Variants in ACSM2A observed in about 807,000 individuals in gnomAD.
ACSM2A encodes acyl-coenzyme A synthetase ACSM2A, mitochondrial.
A neutral mutation model predicts 76.6 loss-of-function variants in ACSM2A; 72 were observed. The ratio of observed to expected loss-of-function variants is 0.94; its 90% CI spans 0.78 to 1.14. The LOEUF (loss-of-function observed/expected upper bound fraction) is 1.14. Ranked by LOEUF, ACSM2A falls within the 50% of genes most tolerant of loss-of-function variation. The pLI, the probability that ACSM2A is intolerant of heterozygous loss-of-function variation, is 0.00. For synonymous variants in ACSM2A, 249 were observed against 255.9 expected (o/e 0.97, Z 0.26); for missense variants, 684 against 708.5 (o/e 0.97, Z 0.39).
chr16:20,480,210 C>G (rs2014002771), intron 10 of ACSM2A, among the ~76,000 whole-genome samples: 1 of 152,146 alleles, frequency 6.6e-6, no homozygotes, highest in African/African-American at 2.4e-5. Flanking sequence ...ATTACCTAAT[C>G]AAAATGATAG....
intron 12 of ACSM2A, chr16:20,481,894 T>G: frequency 1.1e-5 from 1 of 92,320 alleles, no homozygotes. Flanking sequence ...AGTGCTTGGT[T>G]GGGAGGCCGA....
At chr16:20,465,873 C>T (rs981120498) in intron 3 of ACSM2A, 146 bp downstream of exon 3, 2 of 1,424,544 alleles carry the variant, frequency 1.4e-6, no homozygotes, top group African/African-American at 2.9e-5. Flanking sequence ...TCCCTACTTC[C>T]ACTTATTTAA....
chr16:20,462,582 A>C (rs2012690772), intron 2 of ACSM2A, among the ~76,000 whole-genome samples: 1 of 152,132 alleles, frequency 6.6e-6, no homozygotes, highest in African/African-American at 2.4e-5. Flanking sequence ...AAAATTGCTG[A>C]CATGTTTTGT....
chr16:20,456,895 C>A (rs2012196131), intron 1 of ACSM2A, among the ~76,000 whole-genome samples: 3 of 141,480 alleles, frequency 2.1e-5, no homozygotes, highest in Admixed American at 7.3e-5. Flanking sequence ...ATTGGTAGAC[C>A]ATTAGGAAGA....
intron 1 of ACSM2A, among the ~76,000 whole-genome samples, chr16:20,457,211 G>T (rs567182605): frequency 5.2e-4 from 79 of 151,998 alleles, no homozygotes; most frequent in African/African-American, 1.9e-3. Context: ...ATGACCAGAT[G>T]AATTCACAGC....
chr16:20,470,838 G>A (rs763475343), intron 4 of ACSM2A: 2 of 693,316 alleles, frequency 2.9e-6, no homozygotes, highest in South Asian at 1.5e-5. Flanking sequence ...ACACAGAGAC[G>A]TTAAATAAGT....
chr16:20,482,666 G>T, intron 12 of ACSM2A: 1 of 168,134 alleles, frequency 5.9e-6, no homozygotes, highest in Non-Finnish European at 1.3e-5. Context: ...TTTATTTACC[G>T]TAAGTTAAAT....
chr16:20,485,558 A>G (rs1262694153), intron 13 of ACSM2A, among the ~76,000 whole-genome samples: 4 of 152,224 alleles, frequency 2.6e-5, no homozygotes, highest in Admixed American at 6.5e-5. Flanking sequence ...ATGCAATGCT[A>G]AAGGTTGACA....
At chr16:20,456,911 C>CAA (rs61253658) in intron 1 of ACSM2A, among the ~76,000 whole-genome samples, 40 of 137,888 alleles carry the variant, frequency 2.9e-4, no homozygotes, top group African/African-American at 8.3e-4. Context: ...GAAGATTAAC[C>CAA]AAAAAAAAAA....
chr16:20,466,372 T>A (rs893715259), intron 3 of ACSM2A, among the ~76,000 whole-genome samples: 2 of 152,100 alleles, frequency 1.3e-5, no homozygotes, highest in African/African-American at 4.8e-5. Context: ...ATAGAGAGGC[T>A]TGTGCCAAGC....
intron 6 of ACSM2A, among the ~76,000 whole-genome samples, chr16:20,472,734 A>C (rs2013496013): frequency 6.6e-6 from 1 of 151,932 alleles, no homozygotes; most frequent in African/African-American, 2.4e-5. Flanking sequence ...GAGCCAAATT[A>C]TATGTAATCT....
intron 2 of ACSM2A, among the ~76,000 whole-genome samples, chr16:20,464,813 G>A (rs1028692383): frequency 1.3e-5 from 2 of 152,064 alleles, no homozygotes; most frequent in African/African-American, 4.8e-5. Flanking sequence ...TGTGTAACGG[G>A]GACAGAGTTT....
At chr16:20,475,004 G>C (rs1446388767) in intron 6 of ACSM2A, among the ~76,000 whole-genome samples, 1 of 152,198 alleles carries the variant, frequency 6.6e-6, no homozygotes, top group East Asian at 1.9e-4. Flanking sequence ...CAAGACAGCT[G>C]CTGTGCTCAG....
At chr16:20,472,866 G>A (rs965592201) in intron 6 of ACSM2A, among the ~76,000 whole-genome samples, 3 of 152,120 alleles carry the variant, frequency 2.0e-5, no homozygotes, top group Non-Finnish European at 2.9e-5. Context: ...CTGTAAAAAT[G>A]TTCCCCCATC....
rs59292608 is a variant in ACSM2A at position 20,460,128 on chromosome 16, G to T, written c.14G>T (p.Arg5Leu). ...ACAGGCCTGAATATGCATTGGCTGC[G>T]AAAAGTTCAGGGACTTTGCACCCTG... MHWL[R>L]KVQGLCTLWG... The change falls in exon 2 of 14, where the codon CGA becomes CTA. Residue 5 changes from arginine (R) to leucine (L), a missense_variant. By Grantham distance (102) the Arg-to-Leu change is moderately radical. Around this residue, in one of 3 missense-constraint regions of ACSM2A, gnomAD observed 519 missense variants for 549.5 expected, o/e 0.94. Transcript: ENST00000573854. 1 of 1,610,296 alleles carries T rather than the reference G, an allele frequency of 6.2e-7. No individual in the cohort carries two copies. The highest frequency in any genetic ancestry group is 8.5e-7 in the Non-Finnish European group (1 of 1,177,664).
intron 1 of ACSM2A, among the ~76,000 whole-genome samples, chr16:20,458,830 A>C: frequency 7.0e-6 from 1 of 142,926 alleles, no homozygotes; most frequent in Non-Finnish European, 1.5e-5. Context: ...ACATAAATAT[A>C]TATAAAAAAG....
chr16:20,454,958 T>C (rs546505706), intron 1 of ACSM2A, among the ~76,000 whole-genome samples: 1 of 149,056 alleles, frequency 6.7e-6, no homozygotes, highest in South Asian at 2.1e-4. Context: ...ATAGCATACA[T>C]AAAACAATCA....
intron 2 of ACSM2A, among the ~76,000 whole-genome samples, chr16:20,464,167 G>T (rs1456706325): frequency 1.3e-5 from 2 of 152,192 alleles, no homozygotes; most frequent in African/African-American, 4.8e-5. Flanking sequence ...TTTAACCAGT[G>T]CCTAAGACGT....
At chr16:20,485,828 C>G (rs1268154558) in intron 13 of ACSM2A, among the ~76,000 whole-genome samples, 1 of 152,076 alleles carries the variant, frequency 6.6e-6, no homozygotes, top group African/African-American at 2.4e-5. Context: ...AATTCAAGAC[C>G]ATCTAACACT....
Sources: gnomAD v4.1 joint callset for allele counts (sites outside exome capture counted in the v4.1 genomes callset) on GRCh38, gnomAD v4.1.1 for gene constraint, gnomAD v4.1.1 regional missense constraint, MANE v1.5 for transcripts, NCBI Gene and HGNC (gene_info 2026-07-23, HGNC 2026-07-21) for gene names.